KCNMA1: variants seen among roughly 807,000 people sequenced by gnomAD.
KCNMA1 encodes potassium calcium-activated channel subfamily M alpha 1, also known as Calcium-activated potassium channel subunit alpha-1.
A neutral mutation model predicts 140.0 loss-of-function variants in KCNMA1; 29 were observed. That is an observed-to-expected ratio of 0.21 (90% CI 0.15 to 0.28). The LOEUF (loss-of-function observed/expected upper bound fraction) is 0.28. KCNMA1 is among the 10% of genes least tolerant of loss of function. The probability of loss-of-function intolerance (pLI) is 1.00; values close to 1 mark genes in which losing one functional copy is unlikely to be tolerated. For missense variants in KCNMA1, 880 were observed against 1,602.2 expected, an observed-to-expected ratio of 0.55 and a Z score of 7.70; for synonymous variants, 612 against 611.9, an observed-to-expected ratio of 1.00 and a Z score of 0.00.
intron 5 of KCNMA1, among the ~76,000 whole-genome samples, chr10:77,155,740 A>G (rs2098475669): frequency 1.3e-5 from 2 of 152,222 alleles, no homozygotes; most frequent in South Asian, 4.1e-4. Context: ...GTGAGTACTG[A>G]ACACTTTAAA....
rs71028253 is a variant in KCNMA1 at position 77,134,997 on chromosome 10, C to CAAAAAAAAAAAAAAAAAAAAA, written c.809-13970_809-13950dup. Among the ~76,000 whole-genome samples the CAAAAAAAAAAAAAAAAAAAAA allele has an allele frequency of 3.4e-4, 4 of 11,770 alleles. 1 individual carries two copies. The highest frequency in any genetic ancestry group is 2.0e-3 in the Admixed American group (1 of 512). 7.7% of individuals were successfully genotyped at this position (11,770 alleles called of 152,430 possible). On this transcript the variant is annotated intron_variant, in intron 5 of 27. Coordinates refer to ENST00000286628, the MANE Select transcript of KCNMA1 (RefSeq NM_001161352.2). ...TGGGAGACAGAGCAAGACTCTGTCT[C>CAAAAAAAAAAAAAAAAAAAAA]AAAAAAAAAAAAAAAAAAAAAAAAA...
chr10:77,118,178 G>A (rs971275255), intron 6 of KCNMA1, among the ~76,000 whole-genome samples: 15 of 152,294 alleles, frequency 9.8e-5, no homozygotes, highest in African/African-American at 2.9e-4. Context: ...CCCTAAAGAC[G>A]ATTACATGGG....
At chr10:77,034,092 A>C (rs955654122) in intron 15 of KCNMA1, among the ~76,000 whole-genome samples, 2 of 152,010 alleles carry the variant, frequency 1.3e-5, no homozygotes, top group Non-Finnish European at 2.9e-5. Flanking sequence ...AAATACAAAA[A>C]AATTAACCGG....
At chr10:77,145,013 C>T (rs546668221) in intron 5 of KCNMA1, among the ~76,000 whole-genome samples, 2 of 152,304 alleles carry the variant, frequency 1.3e-5, no homozygotes, top group South Asian at 4.1e-4. Context: ...CAAAAATCTG[C>T]CAAAGCACTA....
rs556540608 is a variant in KCNMA1 at position 77,620,309 on chromosome 10, C to A, written c.378+16956G>T. On this transcript the variant is annotated intron_variant, in intron 1 of 27. Coordinates refer to ENST00000286628, the MANE Select transcript of KCNMA1 (RefSeq NM_001161352.2). Reference sequence around the variant, plus strand: ...GGTAAGGAGACTGCTGTGGCCTGCACAGCACAAGGCCATCCTGGGCCCCAA... The same window carrying A: ...GGTAAGGAGACTGCTGTGGCCTGCAAAGCACAAGGCCATCCTGGGCCCCAA... 2.8e-4 allele frequency among the ~76,000 whole-genome samples: 42 copies of A among 152,316 alleles called. No individual in the cohort carries two copies. The East Asian group carries it at 7.2e-3, about 26-fold the overall frequency.
chr10:77,137,599 G>T (rs574185801), intron 5 of KCNMA1, among the ~76,000 whole-genome samples: 2 of 152,266 alleles, frequency 1.3e-5, no homozygotes, highest in East Asian at 1.9e-4. Context: ...CTTAGCCCCA[G>T]CACAGAGTGA....
intron 17 of KCNMA1, among the ~76,000 whole-genome samples, chr10:77,013,879 T>G (rs551437284): frequency 2.5e-4 from 38 of 152,328 alleles, no homozygotes; most frequent in African/African-American, 8.7e-4. Flanking sequence ...AGGTCTATAC[T>G]AAAGAGATGA....
At chr10:77,147,280 T>C (rs1461252307) in intron 5 of KCNMA1, among the ~76,000 whole-genome samples, 1 of 152,190 alleles carries the variant, frequency 6.6e-6, no homozygotes, top group Non-Finnish European at 1.5e-5. Flanking sequence ...CTTACTCTTA[T>C]TAAGTTTGGG....
At chr10:77,396,040 A>C (rs1043219109) in intron 2 of KCNMA1, among the ~76,000 whole-genome samples, 3 of 152,214 alleles carry the variant, frequency 2.0e-5, no homozygotes, top group African/African-American at 7.2e-5. Flanking sequence ...CATGGGATGA[A>C]ATACAGAACC....
chr10:77,294,183 T>C (rs1257152618), intron 2 of KCNMA1, among the ~76,000 whole-genome samples: 2 of 152,214 alleles, frequency 1.3e-5, no homozygotes, highest in African/African-American at 4.8e-5. Flanking sequence ...GAATATGATG[T>C]TTAATGAATA....
At position 77,187,276 on chromosome 10, in the gene KCNMA1, A is replaced by C. The variant is rs527890450; in HGVS notation, c.603-2360T>G. The stretch of plus-strand genomic sequence containing the variant: ...AATGGAAACAGGTATTGAGAAGAGC[A>C]TAAGGAATTGGCTGCAGTGACTTCT... On this transcript the variant is annotated intron_variant, in intron 3 of 27. Coordinates refer to ENST00000286628, the MANE Select transcript of KCNMA1 (RefSeq NM_001161352.2). 3.3e-5 allele frequency among the ~76,000 whole-genome samples: 5 copies of C among 152,336 alleles called. No individual in the cohort carries two copies. In the South Asian group the frequency reaches 1.0e-3, roughly 32 times the overall value.
chr10:77,388,131 A>G (rs1290782693), intron 2 of KCNMA1, among the ~76,000 whole-genome samples: 1 of 152,232 alleles, frequency 6.6e-6, no homozygotes, highest in East Asian at 1.9e-4. Context: ...GTGTAATCTC[A>G]TTATAGACAT....
At chr10:77,585,836 G>C (rs1421797155) in intron 1 of KCNMA1, among the ~76,000 whole-genome samples, 1 of 152,074 alleles carries the variant, frequency 6.6e-6, no homozygotes, top group Non-Finnish European at 1.5e-5. Flanking sequence ...CAAATACTGA[G>C]ATTCATGCAT....
chr10:77,505,985 G>A (rs982649962), intron 1 of KCNMA1, among the ~76,000 whole-genome samples: 1 of 152,154 alleles, frequency 6.6e-6, no homozygotes, highest in African/African-American at 2.4e-5. Context: ...CGAGGATTTG[G>A]CAACTGACTA....
At chr10:77,127,450 A>T (rs2097766392) in intron 5 of KCNMA1, among the ~76,000 whole-genome samples, 1 of 152,094 alleles carries the variant, frequency 6.6e-6, no homozygotes, top group Admixed American at 6.5e-5. Flanking sequence ...TCAAGCACAC[A>T]CTTTCAAGAC....
chr10:77,581,992 T>C (rs1256876053), intron 1 of KCNMA1, among the ~76,000 whole-genome samples: 1 of 152,238 alleles, frequency 6.6e-6, no homozygotes, highest in Non-Finnish European at 1.5e-5. Context: ...AAAACCTCTT[T>C]TTAAAAATTC....
At chr10:77,467,041 C>T (rs767016276) in intron 1 of KCNMA1, among the ~76,000 whole-genome samples, 19 of 152,160 alleles carry the variant, frequency 1.2e-4, no homozygotes, top group Non-Finnish European at 1.9e-4. Context: ...GCTAGAGGAA[C>T]GCAGAGCCTA....
At chr10:77,244,648 T>G (rs554202855) in intron 3 of KCNMA1, among the ~76,000 whole-genome samples, 1 of 152,176 alleles carries the variant, frequency 6.6e-6, no homozygotes, top group Non-Finnish European at 1.5e-5. Flanking sequence ...GTTGACTCTG[T>G]TCCTTGGCAT....
At chr10:77,277,684 C>G (rs139244198) in intron 2 of KCNMA1, among the ~76,000 whole-genome samples, 1 of 152,212 alleles carries the variant, frequency 6.6e-6, no homozygotes, top group Non-Finnish European at 1.5e-5. Context: ...AAAGTCGATG[C>G]AACAGATCAC....
Sources: allele counts gnomAD v4.1 joint callset (sites outside exome capture counted in the v4.1 genomes callset), GRCh38; gene constraint gnomAD v4.1.1; transcripts MANE v1.5; gene names NCBI Gene and HGNC (gene_info 2026-07-23, HGNC 2026-07-21).